SNX29: variants seen among roughly 807,000 people sequenced by gnomAD.
SNX29 encodes the protein sorting nexin 29.
In SNX29, 78 loss-of-function variants were observed where a neutral mutation model predicts 102.1. That is an observed-to-expected ratio of 0.76 (90% confidence interval 0.64 to 0.92). The LOEUF (loss-of-function observed/expected upper bound fraction) is 0.92, where lower values mean the gene tolerates loss of function less well. Among genes scored for constraint, SNX29 ranks in the 40% least tolerant of loss-of-function variants. The pLI is 0.00. For missense variants in SNX29, 1,280 were observed against 1,061.7 expected (o/e 1.21, Z -2.86); for synonymous variants, 580 against 414.5 (o/e 1.40, Z -4.85).
intron 16 of SNX29, among the ~76,000 whole-genome samples, chr16:12,377,718 C>CG (rs1227296324): frequency 2.0e-5 from 3 of 152,050 alleles, no homozygotes; most frequent in African/African-American, 7.2e-5. Flanking sequence ...AAGCTTATCT[C>CG]GGGCCTGCAG....
chr16:12,500,499 C>A (rs1266822012), intron 19 of SNX29, among the ~76,000 whole-genome samples: 1 of 152,206 alleles, frequency 6.6e-6, no homozygotes, highest in Non-Finnish European at 1.5e-5. Context: ...AACCCCATGC[C>A]GTTATGTGGA....
chr16:12,076,508 G>T (rs531187432), intron 10 of SNX29, among the ~76,000 whole-genome samples: 110 of 152,196 alleles, frequency 7.2e-4, no homozygotes, highest in Middle Eastern at 3.4e-3. Context: ...CGCCATGTTG[G>T]CTAGGCTGGT....
Position 12,573,597 on chromosome 16 carries a change from A to C in SNX29, c.*4968A>C, listed in dbSNP as rs544216003. 8.1e-5 allele frequency: 18 copies of C among 221,762 alleles called. No individual in the cohort carries two copies. Among genetic ancestry groups the C allele is most frequent in the Non-Finnish European group, 1.6e-4 (18 of 110,910 alleles). The allele number at this position is 221,762 out of a possible 1,614,324, so 13.7% of individuals were successfully genotyped here. On this transcript the variant is annotated 3_prime_UTR_variant, in exon 21 of 21. Transcript: ENST00000566228. ...CCCAGGCTTCCCCCACTTCCCCTCAAATTTTCTCAGCTCTGCCGCTGGTCT... is the reference window on the plus strand; with the variant it reads ...CCCAGGCTTCCCCCACTTCCCCTCACATTTTCTCAGCTCTGCCGCTGGTCT...
chr16:12,479,355 C>T (rs1039973824), intron 19 of SNX29, among the ~76,000 whole-genome samples: 1 of 152,202 alleles, frequency 6.6e-6, no homozygotes, highest in African/African-American at 2.4e-5. Flanking sequence ...TTCCATAACC[C>T]ACTCCTGGCA....
At chr16:12,261,359 G>A (rs1457499283) in intron 14 of SNX29, among the ~76,000 whole-genome samples, 1 of 142,400 alleles carries the variant, frequency 7.0e-6, no homozygotes, top group East Asian at 2.1e-4. Flanking sequence ...CCTGGCTGGA[G>A]TGAGTGTTTG....
At chr16:12,291,461 A>C (rs2079791935) in intron 15 of SNX29, among the ~76,000 whole-genome samples, 1 of 152,292 alleles carries the variant, frequency 6.6e-6, no homozygotes, top group African/African-American at 2.4e-5. Context: ...GGTCTCTCCC[A>C]CGACACGTGG....
chr16:12,182,375 G>A (rs1163757889), intron 13 of SNX29, among the ~76,000 whole-genome samples: 2 of 152,082 alleles, frequency 1.3e-5, no homozygotes, highest in South Asian at 2.1e-4. Flanking sequence ...AATTAAAGGC[G>A]AACAGGCAGC....
At chr16:12,491,367 A>C (rs569984898) in intron 19 of SNX29, among the ~76,000 whole-genome samples, 3 of 152,230 alleles carry the variant, frequency 2.0e-5, no homozygotes, top group Admixed American at 2.0e-4. Context: ...AGATGGCAGC[A>C]CCAGTGGTTC....
chr16:12,509,443 G>A (rs1441121363), intron 19 of SNX29, among the ~76,000 whole-genome samples: 1 of 152,180 alleles, frequency 6.6e-6, no homozygotes, highest in East Asian at 1.9e-4. Context: ...ATTCCTGGTT[G>A]GAATTCCACA....
intron 15 of SNX29, among the ~76,000 whole-genome samples, chr16:12,300,681 T>C (rs2080140399): frequency 6.6e-6 from 1 of 152,196 alleles, no homozygotes; most frequent in African/African-American, 2.4e-5. Flanking sequence ...CTCTTTGAGT[T>C]CCAGGCACAC....
chr16:12,293,443 G>A (rs2079869752), intron 15 of SNX29, among the ~76,000 whole-genome samples: 1 of 152,154 alleles, frequency 6.6e-6, no homozygotes, highest in Admixed American at 6.5e-5. Context: ...GTTTGTTTCC[G>A]AAGATTAGCC....
intron 20 of SNX29, among the ~76,000 whole-genome samples, chr16:12,551,143 G>A (rs142515104): frequency 2.9e-3 from 438 of 152,230 alleles, no homozygotes; most frequent in Admixed American, 6.5e-3. Flanking sequence ...ACAGCTGCCA[G>A]GAGAATCTCA....
At chr16:12,538,846 G>C (rs931765012) in intron 20 of SNX29, among the ~76,000 whole-genome samples, 1 of 152,196 alleles carries the variant, frequency 6.6e-6, no homozygotes, top group Admixed American at 6.5e-5. Context: ...ACGTGGCAAA[G>C]AGGGGCACAG....
At chr16:12,475,229 T>C (rs2087536268) in intron 18 of SNX29, among the ~76,000 whole-genome samples, 1 of 152,208 alleles carries the variant, frequency 6.6e-6, no homozygotes, top group Non-Finnish European at 1.5e-5. Flanking sequence ...TCAGAATCAC[T>C]GGAGAAGCTT....
At chr16:12,542,478 C>T (rs867884006) in intron 20 of SNX29, among the ~76,000 whole-genome samples, 1 of 152,206 alleles carries the variant, frequency 6.6e-6, no homozygotes, top group African/African-American at 2.4e-5. Flanking sequence ...ATTACAGGGA[C>T]CCACTACCAC....
At chr16:12,109,208 A>G (rs1473393858) in intron 11 of SNX29, among the ~76,000 whole-genome samples, 1 of 148,374 alleles carries the variant, frequency 6.7e-6, no homozygotes, top group Non-Finnish European at 1.5e-5. Context: ...TAGAGTTGAG[A>G]GTTTGTATCT....
intron 2 of SNX29, among the ~76,000 whole-genome samples, chr16:12,001,195 T>A (rs1031704948): frequency 1.3e-5 from 2 of 152,074 alleles, no homozygotes; most frequent in African/African-American, 4.8e-5. Context: ...CACTGCAACC[T>A]CTGTCTCCTG....
At chr16:12,426,507 T>C (rs1211597604) in intron 18 of SNX29, among the ~76,000 whole-genome samples, 2 of 152,136 alleles carry the variant, frequency 1.3e-5, no homozygotes, top group African/African-American at 2.4e-5. Context: ...TCTGGTAGAA[T>C]AGAAATATAA....
chr16:12,415,607 G>A (rs1464578125), intron 18 of SNX29, among the ~76,000 whole-genome samples: 1 of 152,188 alleles, frequency 6.6e-6, no homozygotes, highest in African/African-American at 2.4e-5. Context: ...GTCTGCCTCC[G>A]TCAGACCTTC....
Sources: allele counts gnomAD v4.1 joint callset (sites outside exome capture counted in the v4.1 genomes callset), GRCh38; gene constraint gnomAD v4.1.1; transcripts MANE v1.5; gene names NCBI Gene and HGNC (gene_info 2026-07-23, HGNC 2026-07-21).